ALPK1: variants seen among roughly 807,000 people sequenced by gnomAD.
The protein encoded by ALPK1 is alpha-protein kinase 1.
In ALPK1, 110 loss-of-function variants were observed where a neutral mutation model predicts 120.6. The ratio of observed to expected loss-of-function variants is 0.91; its 90% confidence interval spans 0.78 to 1.07. The LOEUF (loss-of-function observed/expected upper bound fraction) is 1.07. Ranked by LOEUF, ALPK1 falls within the 50% of genes least tolerant of loss-of-function variation. The pLI is 0.00. For synonymous variants in ALPK1, 582 were observed against 560.3 expected, an observed-to-expected ratio of 1.04 and a Z score of -0.55; for missense variants, 1,498 against 1,483.9, an observed-to-expected ratio of 1.01 and a Z score of -0.16.
Position 112,432,395 on chromosome 4 carries a change from T to C in ALPK1, c.2848T>C (p.Tyr950His), listed in dbSNP as rs1029135571. 6.2e-7 allele frequency: 1 copy of C among 1,614,082 alleles called. No homozygotes were observed. The change falls in exon 11 of 16, where the codon TAT (tyrosine) becomes CAT (histidine). Residue 950 changes from tyrosine (Y) to histidine (H), a missense_variant. Coordinates refer to ENST00000650871, the MANE Select transcript of ALPK1 (RefSeq NM_025144.4). ...TTCTGAGGGGGACAGCCCTTGGTCC[T>C]ATCTGAATTCCAGTGGGAGTTCTTG... ...GSSEGDSPWS[Y>H]LNSSGSSWVS...
At chr4:112,370,700 G>A (rs1013615505) in intron 2 of ALPK1, among the ~76,000 whole-genome samples, 2 of 152,166 alleles carry the variant, frequency 1.3e-5, no homozygotes, top group South Asian at 2.1e-4. Context: ...ATTCCAAAGC[G>A]TTTCTCATGT....
At position 112,357,464 on chromosome 4, in the gene ALPK1, G is replaced by A. The variant is rs146186881; in HGVS notation, c.-100-20214G>A. The A allele has an allele frequency of 1.6e-4, 116 of 714,592 alleles. No individual in the cohort carries two copies. The East Asian group carries it at 2.5e-3, about 15-fold the overall frequency. 44.3% of individuals were successfully genotyped at this position (714,592 alleles called of 1,614,324 possible). A position where few individuals can be genotyped will look rare whatever the true frequency, so the allele number is the denominator to read the frequency against. On this transcript the variant is annotated intron_variant, in intron 2 of 15. Transcript: ENST00000650871. ...CTGGAGCACCACTGCAGCAGAAAGC[G>A]AGGGAAGGTGCTGAGCTACTGGTGC...
intron 1 of ALPK1, among the ~76,000 whole-genome samples, chr4:112,311,125 C>T (rs2110531822): frequency 1.3e-5 from 2 of 152,270 alleles, no homozygotes; most frequent in Middle Eastern, 6.8e-3. Context: ...AAGCAGGAGA[C>T]TTACTGTGTG....
intron 3 of ALPK1, among the ~76,000 whole-genome samples, chr4:112,381,667 C>T (rs1486952831): frequency 5.3e-5 from 8 of 152,190 alleles, no homozygotes; most frequent in African/African-American, 2.4e-5. Context: ...TGAGCAATCT[C>T]ACTGAGTCCT....
At chr4:112,408,139 C>A (rs569140011) in intron 4 of ALPK1, among the ~76,000 whole-genome samples, 1 of 151,776 alleles carries the variant, frequency 6.6e-6, no homozygotes, top group South Asian at 2.1e-4. Flanking sequence ...GAGAGCAGAA[C>A]TAGAAATCAA....
intron 1 of ALPK1, chr4:112,302,363 A>T (rs1283845500): frequency 6.6e-6 from 1 of 152,244 alleles, no homozygotes; most frequent in Non-Finnish European, 1.5e-5. Context: ...CTACCTGGAG[A>T]TCCCTCTACT....
At chr4:112,370,262 T>A (rs1731343286) in intron 2 of ALPK1, among the ~76,000 whole-genome samples, 1 of 152,200 alleles carries the variant, frequency 6.6e-6, no homozygotes, top group African/African-American at 2.4e-5. Context: ...ACATACAGCA[T>A]GTATAAACAC....
chr4:112,422,880 C>A (rs1446429493), intron 5 of ALPK1, among the ~76,000 whole-genome samples: 2 of 152,208 alleles, frequency 1.3e-5, no homozygotes, highest in African/African-American at 4.8e-5. Context: ...GAGCATTGGG[C>A]TAAGTTCCAA....
At chr4:112,417,068 A>G (rs554252333) in intron 5 of ALPK1, among the ~76,000 whole-genome samples, 1 of 152,238 alleles carries the variant, frequency 6.6e-6, no homozygotes, top group South Asian at 2.1e-4. Context: ...TCTCCAAAAA[A>G]TTGAGAGGAC....
intron 2 of ALPK1, among the ~76,000 whole-genome samples, chr4:112,371,363 C>T (rs1731396868): frequency 6.6e-6 from 1 of 152,096 alleles, no homozygotes; most frequent in Non-Finnish European, 1.5e-5. Context: ...AATTTTTTAC[C>T]AGGCACACAT....
intron 2 of ALPK1, among the ~76,000 whole-genome samples, chr4:112,331,454 T>C (rs777309542): frequency 6.6e-6 from 1 of 152,190 alleles, no homozygotes; most frequent in Non-Finnish European, 1.5e-5. Flanking sequence ...TAACCCAACC[T>C]TTCAGCTCTG....
intron 1 of ALPK1, among the ~76,000 whole-genome samples, chr4:112,299,942 A>G (rs1361748194): frequency 6.6e-6 from 1 of 152,148 alleles, no homozygotes; most frequent in Non-Finnish European, 1.5e-5. Flanking sequence ...GGGGACTTTA[A>G]ACATTATCTA....
At chr4:112,357,408 G>A in intron 2 of ALPK1, 1 of 692,296 alleles carries the variant, frequency 1.4e-6, no homozygotes, top group Middle Eastern at 3.2e-4. Context: ...CCTGATGCCA[G>A]TCACCAGAGG....
intron 2 of ALPK1, among the ~76,000 whole-genome samples, chr4:112,363,249 T>C (rs1002905474): frequency 3.9e-5 from 6 of 152,170 alleles, no homozygotes; most frequent in Non-Finnish European, 8.8e-5. Context: ...TCAATACTAA[T>C]GTTGGATGTA....
intron 4 of ALPK1, among the ~76,000 whole-genome samples, chr4:112,402,901 G>A (rs1024684590): frequency 1.5e-4 from 23 of 152,142 alleles, no homozygotes; most frequent in African/African-American, 5.6e-4. Flanking sequence ...TGAGTCCTCT[G>A]TGATGGCAGG....
intron 2 of ALPK1, among the ~76,000 whole-genome samples, chr4:112,340,195 T>C (rs934709435): frequency 2.0e-5 from 3 of 152,242 alleles, no homozygotes; most frequent in Non-Finnish European, 4.4e-5. Flanking sequence ...TGTAGCTCTT[T>C]AAAGAGGATT....
In ALPK1 at chr4:112,382,436, G is replaced by A. The variant is rs751762758; in HGVS notation, c.160G>A (p.Ala54Thr). ...CGAGTTAAGGACCCTGATCCAGGAG[G>A]CAAAGGAAATGAAGTGGCCCTTCGT... Reference protein sequence around the residue: ...PSELRTLIQEAKEMKWPFVPE... With the variant: ...PSELRTLIQETKEMKWPFVPE... The change falls in exon 4 of 16, where the codon GCA becomes ACA. Residue 54 changes from alanine to threonine, a missense_variant. Coordinates refer to ENST00000650871, the MANE Select transcript of ALPK1 (RefSeq NM_025144.4). 42 of 1,613,964 alleles carry A rather than the reference G, an allele frequency of 2.6e-5. No individual in the cohort carries two copies. In the South Asian group the frequency reaches 3.1e-4, roughly 12 times the overall value.
At chr4:112,421,875 T>C (rs931248553) in intron 5 of ALPK1, among the ~76,000 whole-genome samples, 3 of 152,206 alleles carry the variant, frequency 2.0e-5, no homozygotes, top group Admixed American at 2.0e-4. Flanking sequence ...GGCATATGAA[T>C]TTTTTCCTTC....
intron 4 of ALPK1, among the ~76,000 whole-genome samples, chr4:112,389,834 G>A (rs1732325217): frequency 6.6e-6 from 1 of 152,146 alleles, no homozygotes; most frequent in Non-Finnish European, 1.5e-5. Flanking sequence ...GAATAAGCTG[G>A]GAACTTCAAG....
Sources: gnomAD v4.1 joint callset for allele counts (sites outside exome capture counted in the v4.1 genomes callset) on GRCh38, gnomAD v4.1.1 for gene constraint, MANE v1.5 for transcripts, NCBI Gene and HGNC (gene_info 2026-07-23, HGNC 2026-07-21) for gene names.